The following AKT3 variants were observed in gnomAD, a reference collection of about 807,000 sequenced individuals.
AKT3 encodes the protein AKT serine/threonine kinase 3, also known as RAC-gamma serine/threonine-protein kinase.
A neutral mutation model predicts 65.3 loss-of-function variants in AKT3; 15 were observed. That is an observed-to-expected ratio of 0.23 (90% confidence interval 0.15 to 0.35). The LOEUF is 0.35. Among genes scored for constraint, AKT3 ranks in the 10% least tolerant of loss-of-function variants. AKT3 has a pLI of 1.00. For missense variants in AKT3, 243 were observed against 576.5 expected, an observed-to-expected ratio of 0.42 and a Z score of 5.92; for synonymous variants, 206 against 183.8, an observed-to-expected ratio of 1.12 and a Z score of -0.98.
intron 2 of AKT3, among the ~76,000 whole-genome samples, chr1:243,802,208 C>A (rs144732323): frequency 5.9e-5 from 9 of 152,194 alleles, no homozygotes; most frequent in African/African-American, 1.7e-4. Flanking sequence ...TCTCTTTCCT[C>A]AGGTATACTC....
rs530666483 is a variant in AKT3, at chr1:243,850,045, ACGG to A, written c.-121_-119del. 25 of 980,228 alleles carry A rather than the reference ACGG, an allele frequency of 2.6e-5. No homozygotes were observed. Among genetic ancestry groups the A allele is most frequent in the Non-Finnish European group, 2.8e-5 (23 of 828,186 alleles). 60.7% of individuals were successfully genotyped at this position (980,228 alleles called of 1,614,324 possible). A position where few individuals can be genotyped will look rare whatever the true frequency, so the allele number is the denominator to read the frequency against. On this transcript the variant is annotated 5_prime_UTR_variant, in exon 1 of 14. Transcript: ENST00000673466. The stretch of plus-strand genomic sequence containing the variant: ...TTGGGGGCGGTGGCTGTTACCTGCA[ACGG>A]CGGCGGCGGCGGTGGCGGCCCCGCA...
In AKT3 at chr1:243,509,286, G is replaced by C. The variant is rs1036180149; in HGVS notation, c.1354+3038C>G. ...TTATGTTCTAGAAACTGTGCTGGGG[G>C]ACTTCTAACACCTTCTAACATTTCA... On this transcript the variant is annotated intron_variant, in intron 13 of 13. Coordinates refer to ENST00000673466, the MANE Select transcript of AKT3 (RefSeq NM_005465.7). Among the ~76,000 whole-genome samples the C allele has an allele frequency of 5.9e-5, 9 of 152,278 alleles. 1 individual carries two copies. The highest frequency in any genetic ancestry group is 6.8e-3 in the Middle Eastern group (2 of 294).
In AKT3 at chr1:243,505,146, G is replaced by A. The variant is rs557020197; in HGVS notation, c.*103C>T. ...GGACCCTTGGCTGGTCTGGGATGTC[G>A]GAAGGTGCCCCTGCTATGTGTAAGA... On this transcript the variant is annotated 3_prime_UTR_variant, in exon 14 of 14. Transcript: ENST00000673466. 1.3e-4 allele frequency: 145 copies of A among 1,076,670 alleles called. No homozygotes were observed. The highest frequency in any genetic ancestry group is 1.7e-4 in the Non-Finnish European group (125 of 719,204). The allele number at this position is 1,076,670 out of a possible 1,614,324, so 66.7% of individuals were successfully genotyped here.
chr1:243,587,353 G>C (rs1675884881), intron 8 of AKT3, among the ~76,000 whole-genome samples: 1 of 152,188 alleles, frequency 6.6e-6, no homozygotes, highest in South Asian at 2.1e-4. Flanking sequence ...GCTCACGCCT[G>C]TAATCCTAGC....
intron 2 of AKT3, among the ~76,000 whole-genome samples, chr1:243,721,713 G>A (rs1686920009): frequency 6.6e-6 from 1 of 151,900 alleles, no homozygotes; most frequent in African/African-American, 2.4e-5. Flanking sequence ...ATAACCCTGG[G>A]AAATTTACTA....
intron 2 of AKT3, among the ~76,000 whole-genome samples, chr1:243,750,047 G>A (rs1688704617): frequency 6.6e-6 from 1 of 152,120 alleles, no homozygotes; most frequent in African/African-American, 2.4e-5. Flanking sequence ...TAGGCTAAAT[G>A]CAATATGGCC....
intron 3 of AKT3, among the ~76,000 whole-genome samples, chr1:243,672,078 T>G (rs181191772): frequency 1.3e-5 from 2 of 152,292 alleles, no homozygotes; most frequent in Admixed American, 1.3e-4. Flanking sequence ...CTGATAACAG[T>G]GTTTGAGCGG....
chr1:243,685,268 G>C (rs1684207520), intron 3 of AKT3, among the ~76,000 whole-genome samples: 1 of 152,088 alleles, frequency 6.6e-6, no homozygotes, highest in Non-Finnish European at 1.5e-5. Flanking sequence ...TTTTCTTCCA[G>C]GGTTTTTATG....
At chr1:243,849,087 C>A (rs1026744881) in intron 1 of AKT3, among the ~76,000 whole-genome samples, 2 of 152,216 alleles carry the variant, frequency 1.3e-5, no homozygotes, top group Admixed American at 6.5e-5. Flanking sequence ...GATGGTGACC[C>A]CGCCTCGGCG....
intron 2 of AKT3, among the ~76,000 whole-genome samples, chr1:243,841,180 AT>A (rs36028452): frequency 0.51 from 76,596 of 151,442 alleles, 23,463 homozygotes; most frequent in Non-Finnish European, 0.68. Context: ...ATTCTTATTC[AT>A]TTTTTTTTCT....
At chr1:243,611,831 C>G (rs557443735) in intron 8 of AKT3, among the ~76,000 whole-genome samples, 5 of 152,132 alleles carry the variant, frequency 3.3e-5, no homozygotes, top group African/African-American at 1.2e-4. Context: ...GTGATTCTGC[C>G]CATCCCATCC....
At chr1:243,672,808 T>C (rs1262125754) in intron 3 of AKT3, among the ~76,000 whole-genome samples, 1 of 152,196 alleles carries the variant, frequency 6.6e-6, no homozygotes, top group Admixed American at 6.5e-5. Context: ...CCCATCAACA[T>C]TTCTCTGTCT....
chr1:243,659,956 C>T (rs1682158225), intron 4 of AKT3, among the ~76,000 whole-genome samples: 2 of 152,006 alleles, frequency 1.3e-5, no homozygotes, highest in African/African-American at 2.4e-5. Context: ...TTGGTTGTGT[C>T]TCTGCCAGGC....
chr1:243,669,660 A>C (rs1185589251), intron 3 of AKT3, among the ~76,000 whole-genome samples: 2 of 152,218 alleles, frequency 1.3e-5, no homozygotes, highest in East Asian at 3.8e-4. Flanking sequence ...CTATAATTTA[A>C]AGAACTTCTC....
chr1:243,782,878 G>A (rs1186564932), intron 2 of AKT3, among the ~76,000 whole-genome samples: 1 of 152,100 alleles, frequency 6.6e-6, no homozygotes, highest in Non-Finnish European at 1.5e-5. Context: ...ATGAGACTCT[G>A]GTAGCTACCC....
chr1:243,574,150 T>C (rs779338812), intron 8 of AKT3, among the ~76,000 whole-genome samples: 17 of 152,130 alleles, frequency 1.1e-4, no homozygotes, highest in African/African-American at 1.9e-4. Flanking sequence ...TTCTACAAAA[T>C]TGGTGAAAAT....
rs1409882487 is a variant in AKT3 at position 243,677,250 on chromosome 1, A to T, written c.173-12367T>A. On this transcript the variant is annotated intron_variant, in intron 3 of 13. Transcript: ENST00000673466. ...TCACTCAAGATCTTCTCTTATTCCAACTCATACTCTCTATCCCTGAAGATC... is the reference window on the plus strand; with the variant it reads ...TCACTCAAGATCTTCTCTTATTCCATCTCATACTCTCTATCCCTGAAGATC... 3.3e-5 allele frequency among the ~76,000 whole-genome samples: 5 copies of T among 151,924 alleles called. No individual in the cohort carries two copies. In the East Asian group the frequency reaches 9.7e-4, roughly 29 times the overall value.
intron 2 of AKT3, among the ~76,000 whole-genome samples, chr1:243,776,890 T>C (rs1004308666): frequency 2.0e-5 from 3 of 152,202 alleles, no homozygotes; most frequent in East Asian, 1.9e-4. Flanking sequence ...TCAAGTAGTA[T>C]AGTCAAACAC....
downstream of AKT3, among the ~76,000 whole-genome samples, chr1:243,495,161 C>G (rs552385060): frequency 6.6e-6 from 1 of 152,346 alleles, no homozygotes; most frequent in African/African-American, 2.4e-5. Flanking sequence ...GGCTTGGGTG[C>G]GCCCTGGGGA....
Sources: allele counts gnomAD v4.1 joint callset (sites outside exome capture counted in the v4.1 genomes callset), GRCh38; gene constraint gnomAD v4.1.1; transcripts MANE v1.5; gene names NCBI Gene and HGNC (gene_info 2026-07-23, HGNC 2026-07-21).